FIGN: variants seen among roughly 807,000 people sequenced by gnomAD.
FIGN encodes fidgetin, microtubule severing factor.
In FIGN, 11 loss-of-function variants were observed where a neutral mutation model predicts 51.3. The ratio of observed to expected loss-of-function variants is 0.21; its 90% CI spans 0.13 to 0.35. FIGN has a LOEUF of 0.35. Among genes scored for constraint, FIGN ranks in the 10% least tolerant of loss-of-function variants. The pLI is 1.00. For synonymous variants in FIGN, 407 were observed against 363.2 expected, an observed-to-expected ratio of 1.12 and a Z score of -1.37; for missense variants, 857 against 943.6, an observed-to-expected ratio of 0.91 and a Z score of 1.20.
chr2:163,720,894 T>C (rs1195765797), intron 2 of FIGN, among the ~76,000 whole-genome samples: 3 of 152,212 alleles, frequency 2.0e-5, no homozygotes, highest in Non-Finnish European at 4.4e-5. Flanking sequence ...TATAGTTTCA[T>C]ATTTTTCAAG....
chr2:163,733,327 GATT>G (rs1368920802), intron 2 of FIGN, among the ~76,000 whole-genome samples: 13 of 152,170 alleles, frequency 8.5e-5, no homozygotes, highest in Admixed American at 8.5e-4. Flanking sequence ...TTATTGCAAT[GATT>G]ATTATTAGTA....
chr2:163,701,777 T>C (rs771871082), intron 2 of FIGN, among the ~76,000 whole-genome samples: 1 of 152,194 alleles, frequency 6.6e-6, no homozygotes, highest in Non-Finnish European at 1.5e-5. Flanking sequence ...TAAGATTTCT[T>C]ACCAGTCGAG....
At chr2:163,729,005 CT>C (rs1226377772) in intron 2 of FIGN, among the ~76,000 whole-genome samples, 12 of 152,256 alleles carry the variant, frequency 7.9e-5, no homozygotes, top group African/African-American at 2.6e-4. Context: ...ATTGCACTAC[CT>C]TTAAAATTTT....
chr2:163,730,077 G>A (rs1035826858), intron 2 of FIGN, among the ~76,000 whole-genome samples: 43 of 152,332 alleles, frequency 2.8e-4, no homozygotes, highest in Non-Finnish European at 5.6e-4. Context: ...TTGAGGCAGC[G>A]CTTCTGAGCA....
In FIGN at chr2:163,611,645, T is replaced by C; in HGVS notation, c.187A>G (p.Thr63Ala). 3.7e-6 allele frequency: 6 copies of C among 1,614,160 alleles called. No individual in the cohort carries two copies. Among genetic ancestry groups the C allele is most frequent in the Non-Finnish European group, 5.1e-6 (6 of 1,180,024 alleles). The change falls in exon 3 of 3, where the codon ACT becomes GCT. Residue 63 changes from threonine to alanine, a missense_variant. By Grantham distance (58) the Thr-to-Ala change is moderately conservative (BLOSUM62 0). This residue lies in a region of FIGN where 2 missense variants were observed against 18.8 expected (regional missense o/e 0.11). Transcript: ENST00000333129. ...AWANDDISALTASNLLKKYAE... is the reference protein window; with the variant it reads ...AWANDDISALAASNLLKKYAE... ...TATTTTTTTAGTAGGTTGGATGCAG[T>C]CAGAGCAGATATGTCATCATTCGCC...
intron 2 of FIGN, among the ~76,000 whole-genome samples, chr2:163,632,654 T>A (rs1683163293): frequency 6.6e-6 from 1 of 151,980 alleles, no homozygotes; most frequent in Non-Finnish European, 1.5e-5. Flanking sequence ...GAGGATTAAA[T>A]GAGATAATGT....
chr2:163,652,389 C>T (rs1319403157), intron 2 of FIGN, among the ~76,000 whole-genome samples: 1 of 150,818 alleles, frequency 6.6e-6, no homozygotes, highest in Non-Finnish European at 1.5e-5. Flanking sequence ...CACACACACA[C>T]TTTCACTAAA....
intron 2 of FIGN, among the ~76,000 whole-genome samples, chr2:163,689,274 A>T (rs539580788): frequency 2.6e-5 from 4 of 152,188 alleles, no homozygotes; most frequent in African/African-American, 9.6e-5. Flanking sequence ...CTTTCAGATA[A>T]CATGTTAGAC....
chr2:163,610,341 G>A lies in FIGN; in HGVS notation c.1491C>T (p.Val497=). 6.2e-7 allele frequency: 1 copy of A among 1,614,124 alleles called. No homozygotes were observed. Among genetic ancestry groups the A allele is most frequent in the Non-Finnish European group, 8.5e-7 (1 of 1,180,016 alleles). The stretch of plus-strand genomic sequence containing the variant: ...CTGGCCATAAAACCTCCTCTTTAAT[G>A]ACAGCCTTCACCAGGTCGAGACCAG... ...DIAGLDLVKA[V]IKEEVLWPVL... The change falls in exon 3 of 3, where the codon GTC becomes GTT. Residue 497 remains valine (V), a synonymous_variant. Transcript: ENST00000333129.
chr2:163,611,846 A>G, intron 2 of FIGN, 40 bp from the exon 3 acceptor site: 3 of 1,540,962 alleles, frequency 1.9e-6, no homozygotes, highest in Non-Finnish European at 2.6e-6. Flanking sequence ...TTACTTAAAT[A>G]GGCATCAGAA....
At chr2:163,638,692 A>ATGCTTTTATGGTTTT (rs1439894502) in intron 2 of FIGN, among the ~76,000 whole-genome samples, 13 of 152,278 alleles carry the variant, frequency 8.5e-5, no homozygotes, top group African/African-American at 2.9e-4. Flanking sequence ...CAGCACACAC[A>ATGCTTTTATGGTTTT]TTTATTTTCA....
Position 163,734,955 on chromosome 2 carries a change from T to C in FIGN, c.-28A>G, listed in dbSNP as rs1344853218. 5.0e-6 allele frequency: 8 copies of C among 1,611,126 alleles called. No homozygotes were observed. Among genetic ancestry groups the C allele is most frequent in the South Asian group, 3.3e-5 (3 of 90,416 alleles). ...CTTGCTGGCAGCACAAAAAGCTGAA[T>C]TGGATTTCTCACAAGCAGGAATTCC... On this transcript the variant is annotated 5_prime_UTR_variant, in exon 2 of 3. Coordinates refer to ENST00000333129, the MANE Select transcript of FIGN (RefSeq NM_018086.4).
At chr2:163,701,134 C>G (rs529981076) in intron 2 of FIGN, among the ~76,000 whole-genome samples, 14 of 152,204 alleles carry the variant, frequency 9.2e-5, no homozygotes, top group African/African-American at 3.4e-4. Flanking sequence ...AAAAAAATAT[C>G]TATTGAGTCA....
At chr2:163,699,469 A>G (rs1306415412) in intron 2 of FIGN, among the ~76,000 whole-genome samples, 1 of 150,444 alleles carries the variant, frequency 6.6e-6, no homozygotes, top group East Asian at 2.0e-4. Context: ...AAAATATTAC[A>G]ATTTTAGGTT....
intron 2 of FIGN, among the ~76,000 whole-genome samples, chr2:163,639,845 T>C (rs1683280552): frequency 2.0e-5 from 3 of 152,220 alleles, no homozygotes; most frequent in Admixed American, 2.0e-4. Context: ...CCAAGTATTT[T>C]ATTGCTGTTG....
intron 2 of FIGN, among the ~76,000 whole-genome samples, chr2:163,677,145 C>A (rs1683985760): frequency 6.6e-6 from 1 of 152,192 alleles, no homozygotes; most frequent in African/African-American, 2.4e-5. Flanking sequence ...ATGGGCATGG[C>A]TCTGCCAGAT....
chr2:163,697,649 TC>T (rs1684343441), intron 2 of FIGN, among the ~76,000 whole-genome samples: 1 of 152,090 alleles, frequency 6.6e-6, no homozygotes, highest in African/African-American at 2.4e-5. Context: ...CACTAGGAGG[TC>T]AAGAGCCTTT....
At position 163,629,795 on chromosome 2, in the gene FIGN, A is replaced by AG. The variant is rs1445902531; in HGVS notation, c.26-17990dup. On this transcript the variant is annotated intron_variant, in intron 2 of 2. Transcript: ENST00000333129. The stretch of plus-strand genomic sequence containing the variant: ...GTCTACCAATCCTTGCTCTAGGCTG[A>AG]GGGGAAAGAAATAGTGGAAAGGGAT... Among the ~76,000 whole-genome samples, 3 of 152,040 alleles carry AG rather than the reference A, an allele frequency of 2.0e-5. No individual in the cohort carries two copies. In the East Asian group the frequency reaches 5.8e-4, roughly 30 times the overall value.
intron 2 of FIGN, among the ~76,000 whole-genome samples, chr2:163,700,993 C>T (rs544750022): frequency 1.3e-5 from 2 of 152,196 alleles, no homozygotes; most frequent in East Asian, 3.9e-4. Flanking sequence ...TATTTAGACA[C>T]TTTCTTGATG....
Sources: allele counts gnomAD v4.1 joint callset (sites outside exome capture counted in the v4.1 genomes callset), GRCh38; gene constraint gnomAD v4.1.1; regional missense constraint gnomAD v4.1.1; transcripts MANE v1.5; gene names NCBI Gene and HGNC (gene_info 2026-07-23, HGNC 2026-07-21).